Variants in NXPE2 observed in about 807,000 individuals in gnomAD.
NXPE2 encodes the protein neurexophilin and PC-esterase domain family member 2, also known as NXPE family member 2.
NXPE2 carries 34 observed loss-of-function variants against 34.4 expected under a neutral mutation model. The observed-to-expected ratio is 0.99, with a 90% CI of 0.75 to 1.31. The LOEUF (loss-of-function observed/expected upper bound fraction) is 1.31. Ranked by LOEUF, NXPE2 falls within the 40% of genes most tolerant of loss-of-function variation. The pLI is 0.00. For missense variants in NXPE2, 649 were observed against 672.5 expected, an observed-to-expected ratio of 0.97 and a Z score of 0.39; for synonymous variants, 235 against 231.3, an observed-to-expected ratio of 1.02 and a Z score of -0.15.
At chr11:114,614,376 G>A in the NXPE2 span, among the ~76,000 whole-genome samples, 7 of 151,498 alleles carry the variant, frequency 4.6e-5, no homozygotes, top group Middle Eastern at 0.01. Flanking sequence ...CTGTTACCTG[G>A]TGGATAATAA....
At chr11:114,541,566 G>A in the NXPE2 span, among the ~76,000 whole-genome samples, 1 of 152,160 alleles carries the variant, frequency 6.6e-6, no homozygotes, top group Non-Finnish European at 1.5e-5. Context: ...AGGTGGTTGG[G>A]GTTCAGCTTG....
the NXPE2 span, among the ~76,000 whole-genome samples, chr11:114,746,621 G>T: frequency 6.6e-6 from 1 of 152,146 alleles, no homozygotes; most frequent in Non-Finnish European, 1.5e-5. Context: ...GGAGGCTGAG[G>T]TGGGCGGATC....
chr11:114,677,411 G>A (rs1012948734), upstream of NXPE2, among the ~76,000 whole-genome samples: 8 of 151,970 alleles, frequency 5.3e-5, no homozygotes, highest in South Asian at 4.2e-4. Context: ...TTTTATTTGC[G>A]AACTGTACCT....
chr11:114,514,377 G>C, the NXPE2 span, among the ~76,000 whole-genome samples: 1 of 152,084 alleles, frequency 6.6e-6, no homozygotes, highest in Non-Finnish European at 1.5e-5. Flanking sequence ...TTGTGTTTTT[G>C]TTCTAGTGAT....
chr11:114,477,768 C>CCAATTCAAGTATTGAATTCAATACTTGAA, the NXPE2 span, among the ~76,000 whole-genome samples: 146 of 151,730 alleles, frequency 9.6e-4, no homozygotes, highest in South Asian at 0.017. Context: ...ATTGGGTAAC[C>CCAATTCAAGTATTGAATTCAATACTTGAA]CAATTCAAGT....
At chr11:114,681,123 T>C (rs966865203) in intron 2 of NXPE2, among the ~76,000 whole-genome samples, 2 of 152,182 alleles carry the variant, frequency 1.3e-5, no homozygotes, top group African/African-American at 2.4e-5. Flanking sequence ...AAGTCTATCC[T>C]TTTTTTCTCC....
chr11:114,646,157 T>C, the NXPE2 span, among the ~76,000 whole-genome samples: 11 of 152,084 alleles, frequency 7.2e-5, no homozygotes, highest in African/African-American at 2.7e-4. Context: ...AGTGGTAACT[T>C]TGTCATTTCT....
At chr11:114,585,359 A>T in the NXPE2 span, among the ~76,000 whole-genome samples, 3 of 151,996 alleles carry the variant, frequency 2.0e-5, no homozygotes, top group Non-Finnish European at 2.9e-5. Flanking sequence ...AAAAAACAAG[A>T]CCTAACTCTA....
chr11:114,775,879 C>CAAAAAAACA, the NXPE2 span, among the ~76,000 whole-genome samples: 1 of 90,628 alleles, frequency 1.1e-5, no homozygotes, highest in Non-Finnish European at 2.7e-5. Context: ...AACAAAAAAA[C>CAAAAAAACA]GAAAAAAAAA....
At chr11:114,561,791 A>G in the NXPE2 span, among the ~76,000 whole-genome samples, 38 of 152,232 alleles carry the variant, frequency 2.5e-4, no homozygotes, top group Non-Finnish European at 4.6e-4. Context: ...GGCGCTTTTA[A>G]TGGCCCATTA....
chr11:114,592,815 A>G, the NXPE2 span, among the ~76,000 whole-genome samples: 1 of 152,178 alleles, frequency 6.6e-6, no homozygotes, highest in African/African-American at 2.4e-5. Context: ...TTATACTGGC[A>G]TAAATATAGT....
chr11:114,485,371 G>T, the NXPE2 span, among the ~76,000 whole-genome samples: 36,934 of 142,770 alleles, frequency 0.26, 4,873 homozygotes, highest in East Asian at 0.38. Context: ...ATCACGCCTG[G>T]CTAATTTTTG....
At chr11:114,653,820 G>A in the NXPE2 span, among the ~76,000 whole-genome samples, 16 of 151,980 alleles carry the variant, frequency 1.1e-4, no homozygotes, top group African/African-American at 3.6e-4. Context: ...GAGCCACCGC[G>A]CCTGGCCTGT....
At chr11:114,751,501 A>G in the NXPE2 span, among the ~76,000 whole-genome samples, 1 of 152,022 alleles carries the variant, frequency 6.6e-6, no homozygotes, top group Non-Finnish European at 1.5e-5. Context: ...AAACCTACCT[A>G]CCCTCATTTT....
At chr11:114,624,695 T>C in the NXPE2 span, among the ~76,000 whole-genome samples, 2,469 of 150,832 alleles carry the variant, frequency 0.016, 75 homozygotes, top group African/African-American at 0.055. Flanking sequence ...GTATTGCCTC[T>C]AGGGTAACCA....
chr11:114,480,158 C>G, the NXPE2 span, among the ~76,000 whole-genome samples: 2 of 152,084 alleles, frequency 1.3e-5, no homozygotes, highest in South Asian at 2.1e-4. Context: ...GACACACATC[C>G]AAACCATACC....
At chr11:114,524,879 T>C in the NXPE2 span, among the ~76,000 whole-genome samples, 180 of 152,318 alleles carry the variant, frequency 1.2e-3, no homozygotes, top group Non-Finnish European at 1.4e-3. Context: ...GGTAATAATA[T>C]CAGGATTCTG....
chr11:114,648,033 T>G, the NXPE2 span, among the ~76,000 whole-genome samples: 1 of 152,144 alleles, frequency 6.6e-6, no homozygotes, highest in Non-Finnish European at 1.5e-5. Flanking sequence ...AGATTTTAGT[T>G]TTGTTAATAT....
chr11:114,721,677 T>C, the NXPE2 span, among the ~76,000 whole-genome samples: 3 of 152,196 alleles, frequency 2.0e-5, no homozygotes, highest in East Asian at 1.9e-4. Flanking sequence ...TGTTTTAGTA[T>C]TGATAATATT....
Sources: gnomAD v4.1 joint callset for allele counts (sites outside exome capture counted in the v4.1 genomes callset) on GRCh38, gnomAD v4.1.1 for gene constraint, MANE v1.5 for transcripts, NCBI Gene and HGNC (gene_info 2026-07-23, HGNC 2026-07-21) for gene names.